Variants in ITGA9 observed in about 807,000 individuals in gnomAD.
ITGA9 encodes integrin subunit alpha 9.
Under a neutral mutation model 127.8 loss-of-function variants are expected in ITGA9, and 56 were observed. The observed-to-expected ratio is 0.44, with a 90% CI of 0.35 to 0.55. The LOEUF (loss-of-function observed/expected upper bound fraction) is 0.55, where lower values mean the gene tolerates loss of function less well. ITGA9 is among the 20% of genes least tolerant of loss of function. The probability of loss-of-function intolerance (pLI) is 0.00; values close to 1 mark genes in which losing one functional copy is unlikely to be tolerated. For synonymous variants in ITGA9, 508 were observed against 514.5 expected (o/e 0.99, Z 0.17); for missense variants, 1,196 against 1,347.1 (o/e 0.89, Z 1.76).
At chr3:37,779,041 G>A (rs1053346096) in intron 24 of ITGA9, among the ~76,000 whole-genome samples, 1 of 152,042 alleles carries the variant, frequency 6.6e-6, no homozygotes, top group Non-Finnish European at 1.5e-5. Context: ...ACGCATTTTG[G>A]AACCTATCAT....
intron 15 of ITGA9, among the ~76,000 whole-genome samples, chr3:37,551,225 T>G (rs1699375295): frequency 6.6e-6 from 1 of 152,168 alleles, no homozygotes; most frequent in South Asian, 2.1e-4. Flanking sequence ...CATTTAAATT[T>G]ATTGAGATCT....
At chr3:37,453,805 C>T (rs1244802161) in intron 1 of ITGA9, among the ~76,000 whole-genome samples, 1 of 152,146 alleles carries the variant, frequency 6.6e-6, no homozygotes, top group Non-Finnish European at 1.5e-5. Context: ...AAAGGGGACT[C>T]TGAGACCAGC....
chr3:37,586,011 C>T (rs1155743), intron 15 of ITGA9, among the ~76,000 whole-genome samples: 96,380 of 152,052 alleles, frequency 0.63, 30,882 homozygotes, highest in East Asian at 0.74. Context: ...ACTGAGGAGA[C>T]GTGCCATGAT....
Position 37,452,316 on chromosome 3 carries a change from G to A in ITGA9, c.-59G>A. 7 of 963,446 alleles carry A rather than the reference G, an allele frequency of 7.3e-6. No homozygotes were observed. Among genetic ancestry groups the A allele is most frequent in the Non-Finnish European group, 8.7e-6 (7 of 804,740 alleles). The allele number at this position is 963,446 out of a possible 1,614,324, so 59.7% of individuals were successfully genotyped here. A position where few individuals can be genotyped will look rare whatever the true frequency, so the allele number is the denominator to read the frequency against. On this transcript the variant is annotated 5_prime_UTR_variant, in exon 1 of 28. Coordinates refer to ENST00000264741, the MANE Select transcript of ITGA9 (RefSeq NM_002207.3). The surrounding 1 kb of genome is among the most constrained non-coding windows in gnomAD (Gnocchi z 7.3). Reference sequence around the variant, plus strand: ...CTTCCTGGCCGTCGGCGGGCCCCGCGGCCCGCGCGCTCGGCGCCCTGCTCG... The same window carrying A: ...CTTCCTGGCCGTCGGCGGGCCCCGCAGCCCGCGCGCTCGGCGCCCTGCTCG...
intron 15 of ITGA9, among the ~76,000 whole-genome samples, chr3:37,601,666 T>G (rs6550488): frequency 0.72 from 109,467 of 152,140 alleles, 39,722 homozygotes; most frequent in East Asian, 0.8. Context: ...GCAGTATTAG[T>G]CTTTATCTCT....
intron 15 of ITGA9, among the ~76,000 whole-genome samples, chr3:37,618,017 C>G (rs1054401599): frequency 2.0e-5 from 3 of 152,178 alleles, no homozygotes; most frequent in African/African-American, 7.2e-5. Flanking sequence ...AGCTGCGTTC[C>G]TTTGGAGGAG....
intron 3 of ITGA9, among the ~76,000 whole-genome samples, chr3:37,480,224 G>A (rs1344182768): frequency 6.6e-6 from 1 of 151,880 alleles, no homozygotes; most frequent in African/African-American, 2.4e-5. Context: ...CAGAAGGCAG[G>A]GGCATGTTTA....
At chr3:37,791,391 T>C (rs556185714) in intron 26 of ITGA9, among the ~76,000 whole-genome samples, 4 of 152,268 alleles carry the variant, frequency 2.6e-5, no homozygotes, top group African/African-American at 7.2e-5. Flanking sequence ...AAAGACTGGC[T>C]CTGTCTCATT....
Position 37,597,992 on chromosome 3 carries a change from AACACAGAG to A in ITGA9, c.1690-31194_1690-31187del, listed in dbSNP as rs1699884579. 6.6e-6 allele frequency among the ~76,000 whole-genome samples: 1 copy of A among 152,224 alleles called. No individual in the cohort carries two copies. The highest frequency in any genetic ancestry group is 1.5e-5 in the Non-Finnish European group (1 of 68,036). On this transcript the variant is annotated intron_variant, in intron 15 of 27. Coordinates refer to ENST00000264741, the MANE Select transcript of ITGA9 (RefSeq NM_002207.3). This position sits in a 1 kb window ranked among gnomAD's most constrained non-coding sequence, Gnocchi z 4.6. ...ATTGGGCCCTTGATAAGATCATCCT[AACACAGAG>A]GCAGATGTAGATTTGAACCCTATTT...
At chr3:37,775,131 G>A (rs1025402095) in intron 23 of ITGA9, among the ~76,000 whole-genome samples, 5 of 152,118 alleles carry the variant, frequency 3.3e-5, no homozygotes, top group African/African-American at 7.2e-5. Context: ...TGCATCTGAC[G>A]AAGGTCTGAT....
rs139249782 is a variant in ITGA9 at position 37,550,287 on chromosome 3, A to T, written c.1689+7702A>T. Among the ~76,000 whole-genome samples the T allele has an allele frequency of 2.0e-3, 303 of 152,358 alleles. 2 individuals carry two copies. Among genetic ancestry groups the T allele is most frequent in the Middle Eastern group, 6.8e-3 (2 of 294 alleles). ...CTCTTCTACAGGCTTTACATGAAGA[A>T]AGAGAGGTTAAGTAACCTGACTCAG... is the stretch of plus-strand genomic sequence containing the variant. On this transcript the variant is annotated intron_variant, in intron 15 of 27. Transcript: ENST00000264741.
chr3:37,640,139 A>T (rs1435676459), intron 16 of ITGA9, among the ~76,000 whole-genome samples: 1 of 152,148 alleles, frequency 6.6e-6, no homozygotes, highest in Non-Finnish European at 1.5e-5. Flanking sequence ...GGAGCCTGTG[A>T]TTTGGATACG....
chr3:37,702,601 G>C (rs542021430), intron 18 of ITGA9, among the ~76,000 whole-genome samples: 14 of 152,178 alleles, frequency 9.2e-5, no homozygotes, highest in African/African-American at 3.4e-4. Flanking sequence ...AAAAAATGAG[G>C]TGGCTGCTCT....
intron 9 of ITGA9, among the ~76,000 whole-genome samples, chr3:37,516,745 G>A (rs1026497611): frequency 6.6e-6 from 1 of 152,100 alleles, no homozygotes; most frequent in African/African-American, 2.4e-5. Flanking sequence ...TCTGCACTGG[G>A]GAATGCATAC....
At chr3:37,670,950 G>T (rs887332009) in intron 17 of ITGA9, among the ~76,000 whole-genome samples, 1 of 152,216 alleles carries the variant, frequency 6.6e-6, no homozygotes, top group Non-Finnish European at 1.5e-5. Flanking sequence ...TGAGCTGTCT[G>T]CCCCGCTAGC....
chr3:37,517,219 T>C (rs542723562), intron 9 of ITGA9, among the ~76,000 whole-genome samples: 8 of 152,224 alleles, frequency 5.3e-5, no homozygotes, highest in African/African-American at 1.9e-4. Flanking sequence ...GTGTGTAGTG[T>C]ATTAGGACAA....
intron 15 of ITGA9, among the ~76,000 whole-genome samples, chr3:37,564,851 A>C (rs1699530250): frequency 6.6e-6 from 1 of 152,198 alleles, no homozygotes; most frequent in Non-Finnish European, 1.5e-5. Context: ...AAGGGGCTAA[A>C]AGAAGCCCAT....
chr3:37,460,452 A>G (rs543844870), intron 1 of ITGA9, among the ~76,000 whole-genome samples: 1 of 152,312 alleles, frequency 6.6e-6, no homozygotes, highest in African/African-American at 2.4e-5. Flanking sequence ...GTATAATTGA[A>G]TCACTTGTAA....
At chr3:37,676,012 G>C (rs1294249388) in intron 17 of ITGA9, among the ~76,000 whole-genome samples, 2 of 152,084 alleles carry the variant, frequency 1.3e-5, no homozygotes, top group African/African-American at 4.8e-5. Flanking sequence ...AAAGTGCTGG[G>C]ATTACAGGCA....
Sources: allele counts gnomAD v4.1 joint callset (sites outside exome capture counted in the v4.1 genomes callset), GRCh38; gene constraint gnomAD v4.1.1; non-coding constraint Gnocchi (gnomAD v3.1); transcripts MANE v1.5; gene names NCBI Gene and HGNC (gene_info 2026-07-23, HGNC 2026-07-21).